ZMIZ1: variants seen among roughly 807,000 people sequenced by gnomAD.
ZMIZ1 encodes zinc finger MIZ-type containing 1.
ZMIZ1 carries 17 observed loss-of-function variants against 113.9 expected under a neutral mutation model. That is an observed-to-expected ratio of 0.15 (90% CI 0.10 to 0.22). The LOEUF (loss-of-function observed/expected upper bound fraction) is 0.22. Ranked by LOEUF, ZMIZ1 falls within the 10% of genes least tolerant of loss-of-function variation. The pLI is 1.00. For missense variants in ZMIZ1, 1,059 were observed against 1,477.8 expected, an observed-to-expected ratio of 0.72 and a Z score of 4.65; for synonymous variants, 607 against 603.1, an observed-to-expected ratio of 1.01 and a Z score of -0.09.
In ZMIZ1 at chr10:79,316,320, T is replaced by C. The variant is rs909041731; in HGVS notation, c.*3571T>C. On this transcript the variant is annotated 3_prime_UTR_variant, in exon 25 of 25. Coordinates refer to ENST00000334512, the MANE Select transcript of ZMIZ1 (RefSeq NM_020338.4). ...CTAGTCTTGCAAAGCTGTATGTAGTTAGATGATGTGACAACCTCTAATATT... is the reference window on the plus strand; with the variant it reads ...CTAGTCTTGCAAAGCTGTATGTAGTCAGATGATGTGACAACCTCTAATATT... 6.5e-6 allele frequency: 1 copy of C among 152,724 alleles called. No homozygotes were observed. Among genetic ancestry groups the C allele is most frequent in the Non-Finnish European group, 1.5e-5 (1 of 68,032 alleles). The allele number at this position is 152,724 out of a possible 1,614,324, so 9.5% of individuals were successfully genotyped here.
In ZMIZ1 at chr10:79,207,887, C is replaced by T. The variant is rs528220183; in HGVS notation, c.61-449C>T. On this transcript the variant is annotated intron_variant, in intron 5 of 24. Coordinates refer to ENST00000334512, the MANE Select transcript of ZMIZ1 (RefSeq NM_020338.4). ...TCAGGAAGGAATCTCCAGGGCCAAC[C>T]TGTCCTGGATCAGGGAGGGAGAACT... is the stretch of plus-strand genomic sequence containing the variant. Among the ~76,000 whole-genome samples the T allele has an allele frequency of 9.5e-4, 144 of 151,946 alleles. 1 individual carries two copies. Among genetic ancestry groups the T allele is most frequent in the African/African-American group, 3.4e-3 (140 of 41,450 alleles).
chr10:79,074,513 G>A (rs372403742), intron 1 of ZMIZ1, among the ~76,000 whole-genome samples: 19 of 152,334 alleles, frequency 1.2e-4, no homozygotes, highest in African/African-American at 4.3e-4. Context: ...TGACTGCCCA[G>A]GGCACACAGG....
Position 79,127,271 on chromosome 10 carries a change from C to T in ZMIZ1, c.-227+8247C>T, listed in dbSNP as rs551790005. 2.4e-4 allele frequency among the ~76,000 whole-genome samples: 37 copies of T among 152,250 alleles called. 2 individuals carry two copies. The South Asian group carries it at 7.5e-3, about 31-fold the overall frequency. On this transcript the variant is annotated intron_variant, in intron 2 of 24. Coordinates refer to ENST00000334512, the MANE Select transcript of ZMIZ1 (RefSeq NM_020338.4). ...TCCTCCCCATAGCCCTGGGCTCGGC[C>T]GGTCTGTGTTTGCAGAGCCTCCACT...
intron 1 of ZMIZ1, among the ~76,000 whole-genome samples, chr10:79,102,406 C>T (rs186985832): frequency 1.3e-3 from 205 of 152,346 alleles, no homozygotes; most frequent in African/African-American, 4.2e-3. Context: ...TCCTTTGCCC[C>T]GCCCTCTGCT....
intron 7 of ZMIZ1, among the ~76,000 whole-genome samples, chr10:79,253,474 G>A (rs768796150): frequency 3.9e-5 from 6 of 152,260 alleles, no homozygotes; most frequent in South Asian, 2.1e-4. Context: ...CTGCCGTGCC[G>A]TCTTGGATTG....
In ZMIZ1 at chr10:79,297,700, A is replaced by C; in HGVS notation, c.1491+10A>C. ...AGGGAATGTCAACAGGGTATGTTCC[A>C]ATTTAATTTACAAATTCTAAGCCAC... On this transcript the variant is annotated intron_variant, in intron 14 of 24. Transcript: ENST00000334512. 1 of 1,612,334 alleles carries C rather than the reference A, an allele frequency of 6.2e-7. No individual in the cohort carries two copies. Among genetic ancestry groups the C allele is most frequent in the Non-Finnish European group, 8.5e-7 (1 of 1,178,388 alleles).
intron 24 of ZMIZ1, among the ~76,000 whole-genome samples, chr10:79,311,654 C>A (rs1032000770): frequency 2.6e-5 from 4 of 152,034 alleles, no homozygotes; most frequent in Non-Finnish European, 5.9e-5. Context: ...CCATCGCTCA[C>A]TCCAAGAGGC....
Position 79,312,242 on chromosome 10 carries a change from G to A in ZMIZ1, c.3097-400G>A, listed in dbSNP as rs564061991. 3.9e-5 allele frequency among the ~76,000 whole-genome samples: 6 copies of A among 152,318 alleles called. No homozygotes were observed. In the East Asian group the frequency reaches 5.8e-4, roughly 15 times the overall value. ...GTTGGGGGCGGTGCAGGAACCACTC[G>A]CCTTCCCGCCTTCCCACCAGCCCAC... On this transcript the variant is annotated intron_variant, in intron 24 of 24. Transcript: ENST00000334512.
rs1855412368 is a variant in ZMIZ1, at chr10:79,314,494, T to A, written c.*1745T>A. The A allele has an allele frequency of 3.0e-6, 1 of 333,732 alleles. No homozygotes were observed. Among genetic ancestry groups the A allele is most frequent in the Non-Finnish European group, 5.9e-6 (1 of 169,518 alleles). The allele number at this position is 333,732 out of a possible 1,614,324, so 20.7% of individuals were successfully genotyped here. ...GGCCCCTTTTCTTCCTTTGTCCCGT[T>A]GTCGAGGTTTTTTCAAATAGCGTGT... On this transcript the variant is annotated 3_prime_UTR_variant, in exon 25 of 25. Transcript: ENST00000334512.
In ZMIZ1 at chr10:79,208,440, C is replaced by T; in HGVS notation, c.165C>T (p.Gly55=). 6.2e-7 allele frequency: 1 copy of T among 1,613,400 alleles called. No individual in the cohort carries two copies. The highest frequency in any genetic ancestry group is 8.5e-7 in the Non-Finnish European group (1 of 1,179,930). ...GGCCCTTCGAGCAGAGCCTGATGGG[C>T]TGTTTGACGGTGAGTCTGCACCCTG... ...FQRPFEQSLM[G]CLTVVSRVAA... The change falls in exon 6 of 25, where the codon GGC becomes GGT. Residue 55 remains glycine, a synonymous_variant. Transcript: ENST00000334512.
rs568614870 is a variant in ZMIZ1 at position 79,315,444 on chromosome 10, G to A, written c.*2695G>A. On this transcript the variant is annotated 3_prime_UTR_variant, in exon 25 of 25. Transcript: ENST00000334512. Reference sequence around the variant, plus strand: ...AGCCATAAGTAACCTCAGCAAAAACGAGGCCTCTGCAAGCCACTTTTCCAT... The same window carrying A: ...AGCCATAAGTAACCTCAGCAAAAACAAGGCCTCTGCAAGCCACTTTTCCAT... 3.3e-5 allele frequency: 5 copies of A among 152,874 alleles called. No homozygotes were observed. Among genetic ancestry groups the A allele is most frequent in the East Asian group, 1.9e-4 (1 of 5,286 alleles). 9.5% of individuals were successfully genotyped at this position (152,874 alleles called of 1,614,324 possible).
intron 2 of ZMIZ1, among the ~76,000 whole-genome samples, chr10:79,130,387 C>T (rs952912364): frequency 2.6e-5 from 4 of 152,204 alleles, no homozygotes; most frequent in Non-Finnish European, 4.4e-5. Flanking sequence ...CCAGGCCCAG[C>T]GCTGTCCAGT....
intron 4 of ZMIZ1, among the ~76,000 whole-genome samples, chr10:79,197,299 A>C (rs966681722): frequency 6.6e-6 from 1 of 152,156 alleles, no homozygotes. Context: ...TCACTGCCGC[A>C]TGGGTATCAC....
intron 7 of ZMIZ1, among the ~76,000 whole-genome samples, chr10:79,264,636 C>A (rs1311334339): frequency 6.6e-6 from 1 of 152,198 alleles, no homozygotes; most frequent in Non-Finnish European, 1.5e-5. Flanking sequence ...GGCACAGTAT[C>A]TAGTTTCTCC....
chr10:79,237,746 G>A (rs1054816237), intron 7 of ZMIZ1, among the ~76,000 whole-genome samples: 1 of 152,194 alleles, frequency 6.6e-6, no homozygotes, highest in African/African-American at 2.4e-5. Flanking sequence ...CACAGGTTCT[G>A]GGGGTTAGGA....
intron 2 of ZMIZ1, among the ~76,000 whole-genome samples, chr10:79,123,054 A>G (rs1047489936): frequency 2.6e-5 from 4 of 152,242 alleles, no homozygotes; most frequent in Non-Finnish European, 5.9e-5. Context: ...TCGGCGGACT[A>G]GAGCCAGGTA....
intron 7 of ZMIZ1, among the ~76,000 whole-genome samples, chr10:79,221,655 C>T (rs1184775687): frequency 1.3e-5 from 2 of 152,308 alleles, no homozygotes; most frequent in East Asian, 1.9e-4. Context: ...GCACCAAGCA[C>T]CAGGCAGTCG....
intron 2 of ZMIZ1, among the ~76,000 whole-genome samples, chr10:79,126,563 G>A (rs1844518601): frequency 1.3e-5 from 2 of 152,216 alleles, no homozygotes; most frequent in South Asian, 4.1e-4. Context: ...CCACACTGGG[G>A]CAGATAATGG....
At chr10:79,265,014 G>A (rs544639700) in intron 7 of ZMIZ1, among the ~76,000 whole-genome samples, 1 of 152,246 alleles carries the variant, frequency 6.6e-6, no homozygotes, top group East Asian at 1.9e-4. Context: ...GCCTCCACTG[G>A]GTGAGGCATG....
Sources: allele counts gnomAD v4.1 joint callset (sites outside exome capture counted in the v4.1 genomes callset), GRCh38; gene constraint gnomAD v4.1.1; transcripts MANE v1.5; gene names NCBI Gene and HGNC (gene_info 2026-07-23, HGNC 2026-07-21).